SLC4A4: variants seen among roughly 807,000 people sequenced by gnomAD.
The protein encoded by SLC4A4 is solute carrier family 4 member 4, also known as electrogenic sodium bicarbonate cotransporter 1.
A neutral mutation model predicts 111.5 loss-of-function variants in SLC4A4; 27 were observed. The observed-to-expected ratio is 0.24, with a 90% CI of 0.18 to 0.33. SLC4A4 has a LOEUF of 0.33. Ranked by LOEUF, SLC4A4 falls within the 10% of genes least tolerant of loss-of-function variation. The pLI is 1.00. For synonymous variants in SLC4A4, 443 were observed against 463.4 expected, an observed-to-expected ratio of 0.96 and a Z score of 0.57; for missense variants, 909 against 1,315.5, an observed-to-expected ratio of 0.69 and a Z score of 4.78.
At chr4:71,233,899 G>A (rs376234511) in intron 1 of SLC4A4, among the ~76,000 whole-genome samples, 168 of 152,076 alleles carry the variant, frequency 1.1e-3, no homozygotes, top group African/African-American at 3.9e-3. Context: ...CTCTTCATTG[G>A]CTCCCGTAAC....
chr4:71,147,721 C>T (rs886196041), intron 2 of SLC4A4, among the ~76,000 whole-genome samples: 4 of 152,060 alleles, frequency 2.6e-5, no homozygotes, highest in African/African-American at 7.2e-5. Flanking sequence ...CACGGTTGTC[C>T]AGGTAGGGTC....
chr4:71,465,007 G>A (rs182638174), intron 12 of SLC4A4, among the ~76,000 whole-genome samples: 1 of 152,220 alleles, frequency 6.6e-6, no homozygotes, highest in Non-Finnish European at 1.5e-5. Flanking sequence ...TGGGACAGTG[G>A]TAAGAGGTGG....
At chr4:71,237,624 T>C (rs1391207639) in intron 2 of SLC4A4, among the ~76,000 whole-genome samples, 1 of 152,116 alleles carries the variant, frequency 6.6e-6, no homozygotes, top group Non-Finnish European at 1.5e-5. Flanking sequence ...GTCAGTATTG[T>C]ATGTTCTGGA....
chr4:71,286,101 A>T (rs2602047), intron 3 of SLC4A4, among the ~76,000 whole-genome samples: 18 of 152,032 alleles, frequency 1.2e-4, no homozygotes, highest in African/African-American at 4.1e-4. Context: ...TTAGACAGGC[A>T]TGGTGGCGGG....
chr4:71,100,690 A>G (rs535529470), intron 2 of SLC4A4, among the ~76,000 whole-genome samples: 1 of 152,340 alleles, frequency 6.6e-6, no homozygotes, highest in East Asian at 1.9e-4. Context: ...TACTGTATCT[A>G]GAAAACCCCA....
chr4:71,561,334 C>T (rs574294170), intron 23 of SLC4A4, among the ~76,000 whole-genome samples: 2 of 151,774 alleles, frequency 1.3e-5, no homozygotes, highest in South Asian at 2.1e-4. Context: ...TATTGAGGTA[C>T]GATTGACAAA....
rs149665327 is a variant in SLC4A4 at position 71,442,549 on chromosome 4, G to A, written c.965+1776G>A. Among the ~76,000 whole-genome samples the A allele has an allele frequency of 6.6e-5, 10 of 152,184 alleles. No homozygotes were observed. The East Asian group carries it at 1.5e-3, about 24-fold the overall frequency. ...AGGTAATGTGGGGTCATTTACAGTG[G>A]CTGCATCCTGTGAAATCCAATAAAG... is the stretch of plus-strand genomic sequence containing the variant. On this transcript the variant is annotated intron_variant, in intron 8 of 25. Transcript: ENST00000264485.
At chr4:71,259,287 G>A (rs1383194022) in intron 3 of SLC4A4, among the ~76,000 whole-genome samples, 1 of 152,048 alleles carries the variant, frequency 6.6e-6, no homozygotes, top group South Asian at 2.1e-4. Context: ...TCAAGACCGG[G>A]TTTCTAAAAA....
intron 7 of SLC4A4, among the ~76,000 whole-genome samples, chr4:71,404,410 C>T (rs942770409): frequency 3.9e-5 from 6 of 152,194 alleles, no homozygotes; most frequent in South Asian, 2.1e-4. Context: ...AATTGAACTC[C>T]GATTGCACTG....
chr4:71,245,447 C>CA (rs1203920495), intron 2 of SLC4A4, among the ~76,000 whole-genome samples: 4 of 151,766 alleles, frequency 2.6e-5, no homozygotes, highest in Admixed American at 2.6e-4. Context: ...AGAGTGGGGA[C>CA]AAAAAAGATG....
intron 1 of SLC4A4, among the ~76,000 whole-genome samples, chr4:71,196,824 A>G (rs1746023811): frequency 1.9e-5 from 2 of 105,710 alleles, no homozygotes; most frequent in Non-Finnish European, 3.6e-5. Flanking sequence ...ACAGAGCAAG[A>G]CTCTGTCTCC....
At chr4:71,134,154 A>G (rs1213224507) in intron 2 of SLC4A4, among the ~76,000 whole-genome samples, 1 of 152,262 alleles carries the variant, frequency 6.6e-6, no homozygotes. Context: ...ATATGAATTA[A>G]CGTGGTTATA....
chr4:71,335,180 A>G (rs1728333597), intron 3 of SLC4A4, among the ~76,000 whole-genome samples: 1 of 152,172 alleles, frequency 6.6e-6, no homozygotes, highest in Non-Finnish European at 1.5e-5. Flanking sequence ...CAATTTACCT[A>G]TATAGCAAAC....
intron 24 of SLC4A4, 25 bp from the exon 25 acceptor site, chr4:71,566,979 G>T: frequency 6.3e-7 from 1 of 1,595,324 alleles, no homozygotes; most frequent in Non-Finnish European, 8.6e-7. Context: ...TACCATTTAT[G>T]TTTTTAAAAA....
intron 2 of SLC4A4, among the ~76,000 whole-genome samples, chr4:71,107,601 G>A (rs189726873): frequency 6.6e-6 from 1 of 152,054 alleles, no homozygotes; most frequent in Admixed American, 6.5e-5. Context: ...ACGCTGCCTC[G>A]GCCTCTCAAA....
At chr4:71,201,802 A>C (rs748187169) in intron 1 of SLC4A4, among the ~76,000 whole-genome samples, 2 of 152,240 alleles carry the variant, frequency 1.3e-5, no homozygotes, top group African/African-American at 2.4e-5. Flanking sequence ...ATGATTTAAC[A>C]TATAATGTGT....
intron 6 of SLC4A4, among the ~76,000 whole-genome samples, chr4:71,377,533 A>G (rs1732522688): frequency 6.6e-6 from 1 of 152,172 alleles, no homozygotes; most frequent in Non-Finnish European, 1.5e-5. Context: ...CAAGTCATGA[A>G]GAATGGGCTA....
upstream of SLC4A4, chr4:71,187,141 C>G (rs1234718427): frequency 6.6e-6 from 1 of 152,048 alleles, no homozygotes; most frequent in Non-Finnish European, 1.5e-5. Flanking sequence ...TACTTGGGCG[C>G]GGGTGACTGG....
chr4:71,546,566 A>T (rs1040431841), intron 19 of SLC4A4, 38 bp downstream of exon 19: 15 of 1,546,142 alleles, frequency 9.7e-6, no homozygotes, highest in Non-Finnish European at 1.3e-5. Context: ...CCGAAAACAC[A>T]CTGTGCACAC....
Sources: allele counts gnomAD v4.1 joint callset (sites outside exome capture counted in the v4.1 genomes callset), GRCh38; gene constraint gnomAD v4.1.1; transcripts MANE v1.5; gene names NCBI Gene and HGNC (gene_info 2026-07-23, HGNC 2026-07-21).